The following OXNAD1 variants were observed in gnomAD, a reference collection of about 807,000 sequenced individuals.
OXNAD1 encodes oxidoreductase NAD binding domain containing 1.
A neutral mutation model predicts 32.9 loss-of-function variants in OXNAD1; 34 were observed. The observed-to-expected ratio is 1.03, with a 90% CI of 0.79 to 1.38. The LOEUF is 1.38. Ranked by LOEUF, OXNAD1 falls within the 40% of genes most tolerant of loss-of-function variation. OXNAD1 has a pLI of 0.00. For missense variants in OXNAD1, 407 were observed against 379.4 expected (o/e 1.07, Z -0.60); for synonymous variants, 134 against 135.2 (o/e 0.99, Z 0.06).
chr3:16,324,135 G>A (rs972714636), intron 9 of OXNAD1, among the ~76,000 whole-genome samples: 8 of 152,086 alleles, frequency 5.3e-5, no homozygotes, highest in African/African-American at 1.9e-4. Context: ...CCACCCTTCT[G>A]ATGATTTTGT....
In OXNAD1 at chr3:16,345,264, T is replaced by TTTGTGTGTGTG. The variant is rs1491581919; in HGVS notation, c.*31-3911_*31-3910insTGTGTGTGTGT. ...AAACTGTAAGATAATAAGTAGGTGGTTGTGTGTGTGTGTGTGTGTGTGTGT... is the reference window on the plus strand; with the variant it reads ...AAACTGTAAGATAATAAGTAGGTGGTTTGTGTGTGTGTGTGTGTGTGTGTGTGTGTGTGTGT... On this transcript the variant is annotated intron_variant, in intron 9 of 9. Transcript: ENST00000606098. The surrounding 1 kb of genome is among the most constrained non-coding windows in gnomAD (Gnocchi z 5.2). 8 of 145,838 alleles carry TTTGTGTGTGTG rather than the reference T, an allele frequency of 5.5e-5. No homozygotes were observed. Among genetic ancestry groups the TTTGTGTGTGTG allele is most frequent in the African/African-American group, 1.9e-4 (7 of 37,754 alleles). 9.0% of individuals were successfully genotyped at this position (145,838 alleles called of 1,614,324 possible). A position where few individuals can be genotyped will look rare whatever the true frequency, so the allele number is the denominator to read the frequency against.
At chr3:16,313,166 C>G (rs2068088827) in intron 9 of OXNAD1, among the ~76,000 whole-genome samples, 2 of 148,450 alleles carry the variant, frequency 1.3e-5, no homozygotes, top group Admixed American at 1.4e-4. Context: ...TCACTTTAGC[C>G]TCCCAAGTAG....
intron 4 of OXNAD1, chr3:16,276,413 T>G (rs192442617): frequency 7.6e-4 from 155 of 203,746 alleles, no homozygotes; most frequent in African/African-American, 3.3e-3. Flanking sequence ...GGAACTGTAC[T>G]TTGTTTTAAA....
chr3:16,271,131 G>C lies in OXNAD1; in HGVS notation c.119+60G>C. The C allele has an allele frequency of 6.3e-7, 1 of 1,581,900 alleles. No homozygotes were observed. The highest frequency in any genetic ancestry group is 8.6e-7 in the Non-Finnish European group (1 of 1,158,252). On this transcript the variant is annotated intron_variant, in intron 3 of 8. Coordinates refer to ENST00000285083, the MANE Select transcript of OXNAD1 (RefSeq NM_138381.5). This position sits in a 1 kb window ranked among gnomAD's most constrained non-coding sequence, Gnocchi z 4.6. ...AATTTTCAAAGAGACCCGACCTGCT[G>C]ATGGTTGTGGGAGGCATATCAAACT...
chr3:16,317,022 C>T lies in OXNAD1; in HGVS notation c.*30+13430C>T, dbSNP rs1376745804. 4 of 1,613,680 alleles carry T rather than the reference C, an allele frequency of 2.5e-6. No homozygotes were observed. The highest frequency in any genetic ancestry group is 3.4e-6 in the Non-Finnish European group (4 of 1,179,848). On this transcript the variant is annotated intron_variant, in intron 9 of 9. Coordinates refer to the OXNAD1 transcript ENST00000435829. The surrounding 1 kb of genome is among the most constrained non-coding windows in gnomAD (Gnocchi z 4.3). ...CCAGGGGACAGCTGTTCTCCCTTGT[C>T]CTCTTGGACAGGGCCCTTCATCTCC... is the stretch of plus-strand genomic sequence containing the variant.
chr3:16,296,674 G>A (rs935966652), intron 6 of OXNAD1, among the ~76,000 whole-genome samples: 6 of 152,074 alleles, frequency 3.9e-5, no homozygotes, highest in Non-Finnish European at 8.8e-5. Flanking sequence ...GACATATATG[G>A]TCACTTTATT....
chr3:16,336,134 C>T lies in OXNAD1; in HGVS notation c.*31-978C>T, dbSNP rs1364122738. Reference sequence around the variant, plus strand: ...AAGGGCCACTTCACCTCTACCTCTCCCTAGCAAGTGGAAGGCAGATGCTGG... The same window carrying T: ...AAGGGCCACTTCACCTCTACCTCTCTCTAGCAAGTGGAAGGCAGATGCTGG... On this transcript the variant is annotated intron_variant, in intron 9 of 9. Coordinates refer to the OXNAD1 transcript ENST00000435829. This position sits in a 1 kb window ranked among gnomAD's most constrained non-coding sequence, Gnocchi z 6.0. 1.3e-5 allele frequency among the ~76,000 whole-genome samples: 2 copies of T among 152,172 alleles called. No individual in the cohort carries two copies. Among genetic ancestry groups the T allele is most frequent in the African/African-American group, 2.4e-5 (1 of 41,438 alleles).
At chr3:16,310,507 T>C, downstream of OXNAD1, among the ~76,000 whole-genome samples, 1 of 152,218 alleles carries the variant, frequency 6.6e-6, no homozygotes, top group East Asian at 1.9e-4. Flanking sequence ...CACATTTAAA[T>C]ACACAAGTTT....
rs544688873 is a variant in OXNAD1 at position 16,289,538 on chromosome 3, G to A, written c.290+3090G>A. Among the ~76,000 whole-genome samples, 1 of 152,328 alleles carries A rather than the reference G, an allele frequency of 6.6e-6. No homozygotes were observed. The highest frequency in any genetic ancestry group is 6.5e-5 in the Admixed American group (1 of 15,300). On this transcript the variant is annotated intron_variant, in intron 5 of 8. Coordinates refer to ENST00000285083, the MANE Select transcript of OXNAD1 (RefSeq NM_138381.5). This position sits in a 1 kb window ranked among gnomAD's most constrained non-coding sequence, Gnocchi z 4.9. Reference sequence around the variant, plus strand: ...CCAAGAAGAAACACTGGAGGAGCAAGATTAGAGAAATAAGACTTTATACCT... The same window carrying A: ...CCAAGAAGAAACACTGGAGGAGCAAAATTAGAGAAATAAGACTTTATACCT...
intron 5 of OXNAD1, 147 bp downstream of exon 5, chr3:16,286,595 G>T (rs2066088910): frequency 7.2e-6 from 5 of 690,998 alleles, no homozygotes; most frequent in Non-Finnish European, 1.2e-5. Context: ...GCCTTTGTTG[G>T]CACAGAGGAT....
Position 16,271,434 on chromosome 3 carries a change from C to A in OXNAD1, c.120-225C>A, listed in dbSNP as rs184063492. Among the ~76,000 whole-genome samples, 1 of 152,124 alleles carries A rather than the reference C, an allele frequency of 6.6e-6. No homozygotes were observed. The highest frequency in any genetic ancestry group is 1.5e-5 in the Non-Finnish European group (1 of 68,016). ...GGCCAGGCTGGTCTCGTACTCCTGA[C>A]GTCAGATGATCTGCCTGCCTCGGCC... is the stretch of plus-strand genomic sequence containing the variant. On this transcript the variant is annotated intron_variant, in intron 3 of 8. Transcript: ENST00000285083. This position sits in a 1 kb window ranked among gnomAD's most constrained non-coding sequence, Gnocchi z 4.6.
intron 9 of OXNAD1, chr3:16,313,709 T>A (rs2068131561): frequency 6.6e-6 from 1 of 152,160 alleles, no homozygotes; most frequent in Non-Finnish European, 1.5e-5. Context: ...AGGTTACACA[T>A]GTAGACTGGG....
rs1479374818 is a variant in OXNAD1, at chr3:16,287,169, A to G, written c.290+721A>G. The stretch of plus-strand genomic sequence containing the variant: ...AAAGCAACTTGAATTTCCCTAGGAA[A>G]GGTGTGTTTGGGTGTGTGTGTCCTT... On this transcript the variant is annotated intron_variant, in intron 5 of 8. Transcript: ENST00000285083. The surrounding 1 kb of genome is among the most constrained non-coding windows in gnomAD (Gnocchi z 4.8). 6.6e-6 allele frequency among the ~76,000 whole-genome samples: 1 copy of G among 152,188 alleles called. No homozygotes were observed. The highest frequency in any genetic ancestry group is 1.5e-5 in the Non-Finnish European group (1 of 68,034).
downstream of OXNAD1, among the ~76,000 whole-genome samples, chr3:16,310,831 A>G (rs546164328): frequency 2.0e-5 from 3 of 152,074 alleles, no homozygotes; most frequent in East Asian, 1.9e-4. Context: ...CTTTACTAAT[A>G]ATGTAAAAAT....
intron 9 of OXNAD1, among the ~76,000 whole-genome samples, chr3:16,318,716 T>G (rs1261302843): frequency 6.6e-6 from 1 of 152,168 alleles, no homozygotes; most frequent in Non-Finnish European, 1.5e-5. Flanking sequence ...GATTTAACAT[T>G]TATCTGGTCC....
intron 9 of OXNAD1, among the ~76,000 whole-genome samples, chr3:16,324,646 T>TTGTGTGTGTGTGTGTGTGTGTGTG (rs71632869): frequency 2.0e-5 from 2 of 100,474 alleles, no homozygotes; most frequent in Non-Finnish European, 3.8e-5. Context: ...TAGTATTCCA[T>TTGTGTGTGTGTGTGTGTGTGTGTG]TGTGTGTGTG....
At chr3:16,300,100 G>A (rs1022019070) in intron 6 of OXNAD1, among the ~76,000 whole-genome samples, 1 of 152,188 alleles carries the variant, frequency 6.6e-6, no homozygotes, top group Non-Finnish European at 1.5e-5. Flanking sequence ...TCCTAGATCA[G>A]TGGTTTTTTT....
At chr3:16,331,346 C>T (rs1350332505) in intron 9 of OXNAD1, among the ~76,000 whole-genome samples, 1 of 152,218 alleles carries the variant, frequency 6.6e-6, no homozygotes, top group East Asian at 1.9e-4. Flanking sequence ...TTAGTGCTCC[C>T]ATAAACATTT....
chr3:16,276,341 T>A (rs544576440), intron 4 of OXNAD1: 85 of 156,142 alleles, frequency 5.4e-4, no homozygotes, highest in African/African-American at 1.9e-3. Context: ...CTTCTGTGAA[T>A]TTTTTTTTTT....
Sources: gnomAD v4.1 joint callset for allele counts (sites outside exome capture counted in the v4.1 genomes callset) on GRCh38, gnomAD v4.1.1 for gene constraint, Gnocchi (gnomAD v3.1) non-coding constraint, MANE v1.5 for transcripts, NCBI Gene and HGNC (gene_info 2026-07-23, HGNC 2026-07-21) for gene names.